The following PHF14 variants were observed in gnomAD, a reference collection of about 807,000 sequenced individuals.
PHF14 encodes the protein PHD finger protein 14.
PHF14 carries 55 observed loss-of-function variants against 117.9 expected under a neutral mutation model. The ratio of observed to expected loss-of-function variants is 0.47; its 90% CI spans 0.38 to 0.58. PHF14 has a LOEUF of 0.58. PHF14 is among the 20% of genes least tolerant of loss of function. The pLI is 0.00. For missense variants in PHF14, 978 were observed against 1,122.2 expected (o/e 0.87, Z 1.84); for synonymous variants, 409 against 368.6 (o/e 1.11, Z -1.26).
intron 16 of PHF14, among the ~76,000 whole-genome samples, chr7:11,095,580 C>T (rs1248718539): frequency 6.6e-6 from 1 of 152,072 alleles, no homozygotes; most frequent in Non-Finnish European, 1.5e-5. Context: ...ACCTGGGTTT[C>T]CTGGGAGAAT....
intron 13 of PHF14, among the ~76,000 whole-genome samples, chr7:11,043,199 G>A (rs570737568): frequency 6.6e-6 from 1 of 151,712 alleles, no homozygotes; most frequent in Non-Finnish European, 1.5e-5. Context: ...AGAGTCAAAG[G>A]CTTTACTTCT....
chr7:11,123,739 C>G (rs1164647290), intron 17 of PHF14, among the ~76,000 whole-genome samples: 1 of 151,946 alleles, frequency 6.6e-6, no homozygotes, highest in East Asian at 1.9e-4. Flanking sequence ...GAGATCACAC[C>G]ACTACACTCC....
intron 7 of PHF14, among the ~76,000 whole-genome samples, chr7:11,034,940 T>C (rs1045010215): frequency 6.6e-6 from 1 of 152,144 alleles, no homozygotes; most frequent in African/African-American, 2.4e-5. Context: ...AATGTTGTTG[T>C]TTTGCAATAT....
chr7:11,011,588 A>G (rs1388579149), intron 4 of PHF14, among the ~76,000 whole-genome samples: 1 of 152,226 alleles, frequency 6.6e-6, no homozygotes, highest in East Asian at 1.9e-4. Context: ...TTTTATCTTT[A>G]GAAATGACCT....
At chr7:11,066,981 A>C (rs570181067) in intron 16 of PHF14, among the ~76,000 whole-genome samples, 1 of 152,304 alleles carries the variant, frequency 6.6e-6, no homozygotes, top group Non-Finnish European at 1.5e-5. Context: ...CTAAATTCAA[A>C]GTTAAAAACT....
At chr7:11,024,673 G>T (rs561268954) in intron 6 of PHF14, among the ~76,000 whole-genome samples, 1 of 152,174 alleles carries the variant, frequency 6.6e-6, no homozygotes, top group East Asian at 1.9e-4. Context: ...TCTGTGTACC[G>T]CATGGTTTAC....
chr7:11,011,515 C>G (rs1253176213), intron 4 of PHF14, among the ~76,000 whole-genome samples: 1 of 151,932 alleles, frequency 6.6e-6, no homozygotes, highest in Non-Finnish European at 1.5e-5. Context: ...CCCCTTAGAA[C>G]TTGGCACCAA....
chr7:11,089,299 A>G (rs903714704), intron 16 of PHF14, among the ~76,000 whole-genome samples: 2 of 152,256 alleles, frequency 1.3e-5, no homozygotes, highest in Non-Finnish European at 2.9e-5. Flanking sequence ...AATAAGGTGT[A>G]AGGATATGTT....
intron 17 of PHF14, among the ~76,000 whole-genome samples, chr7:11,134,958 A>G (rs1159227263): frequency 6.6e-6 from 1 of 152,096 alleles, no homozygotes; most frequent in Admixed American, 6.6e-5. Flanking sequence ...ACATGCTGAT[A>G]TCTTTGTCCT....
chr7:11,035,388 T>C (rs1396746887), intron 7 of PHF14, among the ~76,000 whole-genome samples: 2 of 152,148 alleles, frequency 1.3e-5, no homozygotes, highest in African/African-American at 4.8e-5. Flanking sequence ...TACATTATAT[T>C]TGATTTCAAT....
At chr7:11,039,620 A>T (rs947268826) in intron 11 of PHF14, among the ~76,000 whole-genome samples, 1 of 152,176 alleles carries the variant, frequency 6.6e-6, no homozygotes, top group African/African-American at 2.4e-5. Flanking sequence ...AGCTTTTCGA[A>T]CAGATATTTT....
intron 17 of PHF14, among the ~76,000 whole-genome samples, chr7:11,163,229 T>C (rs567921615): frequency 1.3e-5 from 2 of 152,330 alleles, no homozygotes; most frequent in South Asian, 2.1e-4. Context: ...CAAGTGACTT[T>C]AATTTCATAA....
At chr7:10,987,327 A>G (rs180910971) in intron 3 of PHF14, among the ~76,000 whole-genome samples, 24 of 152,204 alleles carry the variant, frequency 1.6e-4, no homozygotes, top group Admixed American at 7.2e-4. Flanking sequence ...TTTAATTCTA[A>G]TTTTACAGGA....
chr7:11,151,549 C>G (rs1230885641), intron 17 of PHF14, among the ~76,000 whole-genome samples: 2 of 152,034 alleles, frequency 1.3e-5, no homozygotes, highest in Non-Finnish European at 1.5e-5. Context: ...ACAGCAAGAC[C>G]CTATCTCAAA....
chr7:11,086,853 C>T (rs1786427522), intron 16 of PHF14, among the ~76,000 whole-genome samples: 1 of 151,932 alleles, frequency 6.6e-6, no homozygotes, highest in Non-Finnish European at 1.5e-5. Flanking sequence ...GTGTATGATA[C>T]CTATTAAATT....
intron 17 of PHF14, among the ~76,000 whole-genome samples, chr7:11,134,621 A>G (rs1187196526): frequency 2.6e-5 from 4 of 152,016 alleles, no homozygotes; most frequent in South Asian, 2.1e-4. Flanking sequence ...GGATCACACA[A>G]CTTTTTGACA....
At chr7:10,991,637 T>A (rs1199192695) in intron 4 of PHF14, among the ~76,000 whole-genome samples, 1 of 151,878 alleles carries the variant, frequency 6.6e-6, no homozygotes, top group Non-Finnish European at 1.5e-5. Flanking sequence ...AAAAAAAAAA[T>A]TTTAAATAAT....
chr7:10,992,734 A>G (rs1221774292), intron 4 of PHF14, among the ~76,000 whole-genome samples: 1 of 152,196 alleles, frequency 6.6e-6, no homozygotes, highest in Non-Finnish European at 1.5e-5. Flanking sequence ...GGAAGTTAGC[A>G]TTGATGAAAT....
intron 16 of PHF14, among the ~76,000 whole-genome samples, chr7:11,094,817 C>T (rs1302243668): frequency 6.6e-6 from 1 of 152,186 alleles, no homozygotes; most frequent in African/African-American, 2.4e-5. Flanking sequence ...GAGCTTGGAT[C>T]CCATCCTTCT....
Sources: gnomAD v4.1 joint callset for allele counts (sites outside exome capture counted in the v4.1 genomes callset) on GRCh38, gnomAD v4.1.1 for gene constraint, MANE v1.5 for transcripts, NCBI Gene and HGNC (gene_info 2026-07-23, HGNC 2026-07-21) for gene names.